SV2B: variants seen among roughly 807,000 people sequenced by gnomAD.
SV2B encodes solute carrier family 22 member B2.
In SV2B, 41 loss-of-function variants were observed where a neutral mutation model predicts 73.9. That is an observed-to-expected ratio of 0.56 (90% CI 0.43 to 0.72). The LOEUF is 0.72. Among genes scored for constraint, SV2B ranks in the 30% least tolerant of loss-of-function variants. The probability of loss-of-function intolerance (pLI) is 0.00; values close to 1 mark genes in which losing one functional copy is unlikely to be tolerated. For synonymous variants in SV2B, 314 were observed against 314.2 expected (o/e 1.00, Z 0.01); for missense variants, 764 against 857.8 (o/e 0.89, Z 1.37).
In SV2B at chr15:91,132,563, A is replaced by G. The variant is rs1034493498; in HGVS notation, c.-392+32200A>G. Among the ~76,000 whole-genome samples, 22 of 152,230 alleles carry G rather than the reference A, an allele frequency of 1.4e-4. No individual in the cohort carries two copies. Among genetic ancestry groups the G allele is most frequent in the African/African-American group, 5.3e-4 (22 of 41,458 alleles). ...AGCCAATTTTCCATCTGCTCTGCAG[A>G]AAAGGTCAAAGGGACCAGTAGCCTC... On this transcript the variant is annotated intron_variant, in intron 1 of 12. Coordinates refer to ENST00000394232, the MANE Select transcript of SV2B (RefSeq NM_001323032.3). This position sits in a 1 kb window ranked among gnomAD's most constrained non-coding sequence, Gnocchi z 4.6.
chr15:91,275,239 A>G (rs971681548), intron 9 of SV2B, among the ~76,000 whole-genome samples: 4 of 151,976 alleles, frequency 2.6e-5, no homozygotes, highest in Non-Finnish European at 5.9e-5. Flanking sequence ...GATTATTTTC[A>G]TAATTCCATT....
intron 1 of SV2B, among the ~76,000 whole-genome samples, chr15:91,101,574 A>C (rs1482332642): frequency 6.6e-6 from 1 of 152,142 alleles, no homozygotes; most frequent in Non-Finnish European, 1.5e-5. Context: ...ATGGTGTTGG[A>C]AAAGAGCAGT....
At position 91,105,667 on chromosome 15, in the gene SV2B, G is replaced by T. The variant is rs751036160; in HGVS notation, c.-392+5304G>T. Among the ~76,000 whole-genome samples, 13 of 152,186 alleles carry T rather than the reference G, an allele frequency of 8.5e-5. No homozygotes were observed. Among genetic ancestry groups the T allele is most frequent in the Non-Finnish European group, 1.8e-4 (12 of 68,040 alleles). On this transcript the variant is annotated intron_variant, in intron 1 of 12. Coordinates refer to ENST00000394232, the MANE Select transcript of SV2B (RefSeq NM_001323032.3). The surrounding 1 kb of genome is among the most constrained non-coding windows in gnomAD (Gnocchi z 5.5). Reference sequence around the variant, plus strand: ...AGGATCCCTTGAGCTTTAGAGCTTAGTGTAGACTCTTGGAGGATAAGGGTG... The same window carrying T: ...AGGATCCCTTGAGCTTTAGAGCTTATTGTAGACTCTTGGAGGATAAGGGTG...
chr15:91,193,890 T>C (rs1274119823), intron 1 of SV2B, among the ~76,000 whole-genome samples: 1 of 152,220 alleles, frequency 6.6e-6, no homozygotes, highest in Non-Finnish European at 1.5e-5. Flanking sequence ...ATGCCAAATC[T>C]AAGTTGTAAC....
At chr15:91,206,738 C>T (rs1257491549) in intron 1 of SV2B, among the ~76,000 whole-genome samples, 5 of 152,164 alleles carry the variant, frequency 3.3e-5, no homozygotes, top group Middle Eastern at 3.4e-3. Flanking sequence ...TATAAATGTT[C>T]GACCTAGTAC....
chr15:91,294,387 C>T lies in SV2B; in HGVS notation c.*1835C>T, dbSNP rs1331946054. On this transcript the variant is annotated 3_prime_UTR_variant, in exon 13 of 13. Coordinates refer to ENST00000394232, the MANE Select transcript of SV2B (RefSeq NM_001323032.3). This position sits in a 1 kb window ranked among gnomAD's most constrained non-coding sequence, Gnocchi z 4.1. Reference sequence around the variant, plus strand: ...CAACCCTCACCTTTTTATTTACACCCCTCCCTTTTTTTCTGTACAGGGAGA... The same window carrying T: ...CAACCCTCACCTTTTTATTTACACCTCTCCCTTTTTTTCTGTACAGGGAGA... The T allele has an allele frequency of 6.6e-6, 1 of 152,104 alleles. No homozygotes were observed. Among genetic ancestry groups the T allele is most frequent in the East Asian group, 1.9e-4 (1 of 5,198 alleles). The allele number at this position is 152,104 out of a possible 1,614,324, so 9.4% of individuals were successfully genotyped here. A position where few individuals can be genotyped will look rare whatever the true frequency, so the allele number is the denominator to read the frequency against.
At position 91,298,051 on chromosome 15, in the gene SV2B, C is replaced by T. The variant is rs767718722; in HGVS notation, c.*5499C>T. 5 of 152,096 alleles carry T rather than the reference C, an allele frequency of 3.3e-5. No homozygotes were observed. Among genetic ancestry groups the T allele is most frequent in the Non-Finnish European group, 5.9e-5 (4 of 68,038 alleles). 9.4% of individuals were successfully genotyped at this position (152,096 alleles called of 1,614,324 possible). ...AAGCTTCCCCCTAGCTAGGGATGCA[C>T]GGGGGTGATCAAGACATGACTAGAT... On this transcript the variant is annotated 3_prime_UTR_variant, in exon 13 of 13. Coordinates refer to ENST00000394232, the MANE Select transcript of SV2B (RefSeq NM_001323032.3). This position sits in a 1 kb window ranked among gnomAD's most constrained non-coding sequence, Gnocchi z 5.4.
Position 91,122,951 on chromosome 15 carries a change from A to C in SV2B, c.-392+22588A>C, listed in dbSNP as rs1276728177. Among the ~76,000 whole-genome samples, 1 of 152,230 alleles carries C rather than the reference A, an allele frequency of 6.6e-6. No individual in the cohort carries two copies. Among genetic ancestry groups the C allele is most frequent in the African/African-American group, 2.4e-5 (1 of 41,468 alleles). On this transcript the variant is annotated intron_variant, in intron 1 of 12. Transcript: ENST00000394232. The surrounding 1 kb of genome is among the most constrained non-coding windows in gnomAD (Gnocchi z 4.3). Reference sequence around the variant, plus strand: ...AGGTCTATTCTACAACCTGGTAGCTATAGTTAATAACAATGTATTGTATTC... The same window carrying C: ...AGGTCTATTCTACAACCTGGTAGCTCTAGTTAATAACAATGTATTGTATTC...
At chr15:91,155,230 A>C (rs1380089231) in intron 1 of SV2B, among the ~76,000 whole-genome samples, 2 of 152,120 alleles carry the variant, frequency 1.3e-5, no homozygotes, top group Non-Finnish European at 2.9e-5. Flanking sequence ...AGGAGGAGTA[A>C]CCTGCAGGGG....
chr15:91,209,850 C>T (rs1340477044), intron 1 of SV2B, among the ~76,000 whole-genome samples: 1 of 152,224 alleles, frequency 6.6e-6, no homozygotes, highest in East Asian at 1.9e-4. Flanking sequence ...CCTTATCTTT[C>T]TTCGTTACTC....
intron 1 of SV2B, among the ~76,000 whole-genome samples, chr15:91,156,914 A>G (rs2043509821): frequency 6.6e-6 from 1 of 152,226 alleles, no homozygotes; most frequent in Admixed American, 6.5e-5. Flanking sequence ...GTTTTTACGT[A>G]AAGTGTCGGG....
rs2042156369 is a variant in SV2B at position 91,115,588 on chromosome 15, G to A, written c.-392+15225G>A. On this transcript the variant is annotated intron_variant, in intron 1 of 12. Transcript: ENST00000394232. This position sits in a 1 kb window ranked among gnomAD's most constrained non-coding sequence, Gnocchi z 4.3. Reference sequence around the variant, plus strand: ...GACAGGGTCTCGCCATGTTGCCCAGGCTGGTCTTGAACTCCTGAACTCAAG... The same window carrying A: ...GACAGGGTCTCGCCATGTTGCCCAGACTGGTCTTGAACTCCTGAACTCAAG... 6.6e-6 allele frequency among the ~76,000 whole-genome samples: 1 copy of A among 151,742 alleles called. No homozygotes were observed.
intron 9 of SV2B, among the ~76,000 whole-genome samples, chr15:91,272,785 G>A (rs1246663378): frequency 6.6e-6 from 1 of 150,478 alleles, no homozygotes; most frequent in African/African-American, 2.4e-5. Flanking sequence ...AATGTTACAC[G>A]CCAAGGCTCC....
intron 1 of SV2B, among the ~76,000 whole-genome samples, chr15:91,211,459 C>T (rs912200233): frequency 1.3e-5 from 2 of 151,752 alleles, no homozygotes; most frequent in African/African-American, 4.8e-5. Flanking sequence ...CATCTTCTTC[C>T]TCCTCTTCCT....
chr15:91,233,514 T>C (rs11631668), intron 2 of SV2B, among the ~76,000 whole-genome samples: 57,108 of 152,062 alleles, frequency 0.38, 14,801 homozygotes, highest in African/African-American at 0.74. Context: ...GGCTGAATTA[T>C]AGTGAAAATT....
chr15:91,297,021 C>CGCACGCTCCTTCTGTCCGATCGTTGGGT lies in SV2B; in HGVS notation c.*4476_*4477insCCTTCTGTCCGATCGTTGGGTGCACGCT, dbSNP rs1435392943. 3 of 137,574 alleles carry CGCACGCTCCTTCTGTCCGATCGTTGGGT rather than the reference C, an allele frequency of 2.2e-5. No homozygotes were observed. Among genetic ancestry groups the CGCACGCTCCTTCTGTCCGATCGTTGGGT allele is most frequent in the African/African-American group, 8.4e-5 (3 of 35,696 alleles). The allele number at this position is 137,574 out of a possible 1,614,324, so 8.5% of individuals were successfully genotyped here. On this transcript the variant is annotated 3_prime_UTR_variant, in exon 13 of 13. Coordinates refer to ENST00000394232, the MANE Select transcript of SV2B (RefSeq NM_001323032.3). The surrounding 1 kb of genome is among the most constrained non-coding windows in gnomAD (Gnocchi z 5.1). ...ACGCTCCTTCTGCCCGATCGTTGGG[C>CGCACGCTCCTTCTGTCCGATCGTTGGGT]GCACGCTTCTTCTGCCTGATCGTTG... is the stretch of plus-strand genomic sequence containing the variant.
rs1326131419 is a variant in SV2B at position 91,239,627 on chromosome 15, A to C, written c.452-12192A>C. On this transcript the variant is annotated intron_variant, in intron 2 of 12. Coordinates refer to ENST00000394232, the MANE Select transcript of SV2B (RefSeq NM_001323032.3). This position sits in a 1 kb window ranked among gnomAD's most constrained non-coding sequence, Gnocchi z 5.1. ...CAAGTTGTCTTGCTGTTTGCTTGTGAGGGATGATTATTTAAACCAATCAGA... is the reference window on the plus strand; with the variant it reads ...CAAGTTGTCTTGCTGTTTGCTTGTGCGGGATGATTATTTAAACCAATCAGA... Among the ~76,000 whole-genome samples, 1 of 152,008 alleles carries C rather than the reference A, an allele frequency of 6.6e-6. No individual in the cohort carries two copies. Among genetic ancestry groups the C allele is most frequent in the East Asian group, 1.9e-4 (1 of 5,172 alleles).
intron 12 of SV2B, among the ~76,000 whole-genome samples, chr15:91,291,995 G>C (rs948147060): frequency 6.6e-6 from 1 of 152,108 alleles, no homozygotes; most frequent in African/African-American, 2.4e-5. Flanking sequence ...AGTGTTAAAA[G>C]GGGGAACACT....
At chr15:91,246,470 A>C (rs578041218) in intron 2 of SV2B, among the ~76,000 whole-genome samples, 1 of 152,202 alleles carries the variant, frequency 6.6e-6, no homozygotes, top group Non-Finnish European at 1.5e-5. Context: ...AAAGATGGGC[A>C]CCGAATTTTA....
Sources: allele counts gnomAD v4.1 joint callset (sites outside exome capture counted in the v4.1 genomes callset), GRCh38; gene constraint gnomAD v4.1.1; non-coding constraint Gnocchi (gnomAD v3.1); transcripts MANE v1.5; gene names NCBI Gene and HGNC (gene_info 2026-07-23, HGNC 2026-07-21).